The following SORCS3 variants were observed in gnomAD, a reference collection of about 807,000 sequenced individuals.
SORCS3 encodes sortilin related VPS10 domain containing receptor 3.
Under a neutral mutation model 146.3 loss-of-function variants are expected in SORCS3, and 57 were observed. The observed-to-expected ratio is 0.39, with a 90% CI of 0.31 to 0.49. The LOEUF (loss-of-function observed/expected upper bound fraction) is 0.49, where lower values mean the gene tolerates loss of function less well. Among genes scored for constraint, SORCS3 ranks in the 20% least tolerant of loss-of-function variants. The pLI is 0.92. For missense variants in SORCS3, 1,341 were observed against 1,575.5 expected (o/e 0.85, Z 2.52); for synonymous variants, 653 against 618.5 (o/e 1.06, Z -0.83).
chr10:105,041,428 C>T (rs375659934), intron 4 of SORCS3, among the ~76,000 whole-genome samples: 1 of 144,404 alleles, frequency 6.9e-6, no homozygotes, highest in African/African-American at 2.5e-5. Flanking sequence ...TATATATATA[C>T]ACACACATAT....
chr10:105,085,007 G>A (rs1255157677), intron 5 of SORCS3, among the ~76,000 whole-genome samples: 1 of 152,136 alleles, frequency 6.6e-6, no homozygotes, highest in African/African-American at 2.4e-5. Context: ...TGGGATTACA[G>A]GCGTGAGCCA....
chr10:104,873,095 G>T (rs1163483773), intron 2 of SORCS3, among the ~76,000 whole-genome samples: 1 of 152,242 alleles, frequency 6.6e-6, no homozygotes, highest in Non-Finnish European at 1.5e-5. Flanking sequence ...TTCTGCAGCA[G>T]AGAGCTGGTC....
chr10:105,105,382 A>G lies in SORCS3; in HGVS notation c.1094-15A>G, dbSNP rs2055813721. The G allele has an allele frequency of 1.9e-6, 3 of 1,563,366 alleles. No individual in the cohort carries two copies. Among genetic ancestry groups the G allele is most frequent in the Non-Finnish European group, 2.6e-6 (3 of 1,134,400 alleles). On this transcript the variant is annotated splice_polypyrimidine_tract_variant and intron_variant, in intron 6 of 26. Coordinates refer to ENST00000369701, the MANE Select transcript of SORCS3 (RefSeq NM_014978.3). ...TTCACTTGTATCTAAGCATCACTCT[A>G]CCCTCCTGTTTCAGATGCTCACTAC... is the stretch of plus-strand genomic sequence containing the variant.
intron 5 of SORCS3, among the ~76,000 whole-genome samples, chr10:105,073,063 C>T (rs2055567968): frequency 6.6e-6 from 1 of 152,144 alleles, no homozygotes; most frequent in African/African-American, 2.4e-5. Context: ...AGGATTTAAA[C>T]CCAGTTCTCT....
chr10:104,882,732 C>A (rs1222577595), intron 2 of SORCS3, among the ~76,000 whole-genome samples: 1 of 152,194 alleles, frequency 6.6e-6, no homozygotes, highest in East Asian at 1.9e-4. Context: ...TGATACAGCC[C>A]AGTCCTCTTG....
chr10:105,192,564 A>C (rs2056522722), intron 14 of SORCS3, among the ~76,000 whole-genome samples: 1 of 152,138 alleles, frequency 6.6e-6, no homozygotes, highest in Non-Finnish European at 1.5e-5. Context: ...CAGGCACTGG[A>C]GTCTCTGAGG....
At chr10:105,188,033 A>G (rs1002868462) in intron 14 of SORCS3, among the ~76,000 whole-genome samples, 2 of 152,002 alleles carry the variant, frequency 1.3e-5, no homozygotes, top group African/African-American at 4.8e-5. Context: ...AACTGAGTAA[A>G]AGAGAGAAAA....
In SORCS3 at chr10:104,935,378, C is replaced by A. The variant is rs527504121; in HGVS notation, c.795+19446C>A. On this transcript the variant is annotated intron_variant, in intron 3 of 26. Transcript: ENST00000369701. ...CAACTCTGGCTGCTCTTTAGGATTA[C>A]CTGGAGGAGCTTTAAAACATACCCA... 7.2e-5 allele frequency among the ~76,000 whole-genome samples: 11 copies of A among 152,214 alleles called. No homozygotes were observed. In the Middle Eastern group the frequency reaches 0.034, roughly 471 times the overall value.
chr10:104,964,528 C>T (rs61269135), intron 3 of SORCS3, among the ~76,000 whole-genome samples: 9,062 of 152,156 alleles, frequency 0.06, 265 homozygotes, highest in Middle Eastern at 0.076. Context: ...AAAGTATTTT[C>T]ATTCTGATTT....
At chr10:104,930,119 A>G (rs1263696338) in intron 3 of SORCS3, among the ~76,000 whole-genome samples, 1 of 152,208 alleles carries the variant, frequency 6.6e-6, no homozygotes, top group Non-Finnish European at 1.5e-5. Flanking sequence ...CATTTAACAG[A>G]GTGATTGAAA....
intron 1 of SORCS3, among the ~76,000 whole-genome samples, chr10:104,750,548 C>T (rs1564675086): frequency 1.3e-5 from 2 of 152,170 alleles, no homozygotes; most frequent in Non-Finnish European, 2.9e-5. Context: ...CTTCACTTTT[C>T]TCAGGTTGGT....
intron 2 of SORCS3, among the ~76,000 whole-genome samples, chr10:104,877,453 G>A (rs903563414): frequency 1.3e-5 from 2 of 152,096 alleles, no homozygotes; most frequent in African/African-American, 4.8e-5. Context: ...TGAAGATTAA[G>A]TGCACAGATA....
chr10:105,228,972 G>T (rs973117772), intron 20 of SORCS3, among the ~76,000 whole-genome samples: 2 of 151,854 alleles, frequency 1.3e-5, no homozygotes, highest in African/African-American at 2.4e-5. Flanking sequence ...TTATCTTCTG[G>T]CATACCGGCA....
rs149776346 is a variant in SORCS3, at chr10:104,734,736, C to T, written c.627+92782C>T. On this transcript the variant is annotated intron_variant, in intron 1 of 26. Transcript: ENST00000369701. ...AGTGTTCTCTTTTAACGGGAGAGAC[C>T]ATGTTTTGCAATGAAAATACATCTG... Among the ~76,000 whole-genome samples, 40 of 152,274 alleles carry T rather than the reference C, an allele frequency of 2.6e-4. No individual in the cohort carries two copies. In the East Asian group the frequency reaches 3.7e-3, roughly 14 times the overall value.
chr10:104,654,885 A>T (rs1177894511), intron 1 of SORCS3, among the ~76,000 whole-genome samples: 1 of 152,180 alleles, frequency 6.6e-6, no homozygotes, highest in Non-Finnish European at 1.5e-5. Flanking sequence ...AAGGTGGGGG[A>T]TTAAACACTC....
At chr10:105,039,574 A>G (rs916066918) in intron 4 of SORCS3, among the ~76,000 whole-genome samples, 1 of 148,598 alleles carries the variant, frequency 6.7e-6, no homozygotes, top group East Asian at 2.0e-4. Context: ...CTCCTGCCTC[A>G]GCCTCCCCAG....
intron 4 of SORCS3, among the ~76,000 whole-genome samples, chr10:105,010,822 C>A (rs1225279479): frequency 6.6e-6 from 1 of 151,704 alleles, no homozygotes; most frequent in Non-Finnish European, 1.5e-5. Flanking sequence ...TCCAGGGAGA[C>A]GCTCAGGGTT....
At chr10:104,656,025 C>A (rs185660889) in intron 1 of SORCS3, among the ~76,000 whole-genome samples, 3 of 152,290 alleles carry the variant, frequency 2.0e-5, no homozygotes, top group Admixed American at 1.3e-4. Context: ...GGAGTCCCCT[C>A]TATGTGCCAG....
intron 3 of SORCS3, among the ~76,000 whole-genome samples, chr10:104,923,380 A>G (rs1169795469): frequency 1.3e-5 from 2 of 152,188 alleles, no homozygotes; most frequent in African/African-American, 2.4e-5. Flanking sequence ...TTATATGACT[A>G]CATGTTGGCT....
Sources: allele counts gnomAD v4.1 joint callset (sites outside exome capture counted in the v4.1 genomes callset), GRCh38; gene constraint gnomAD v4.1.1; transcripts MANE v1.5; gene names NCBI Gene and HGNC (gene_info 2026-07-23, HGNC 2026-07-21).